The following USP36 variants were observed in gnomAD, a reference collection of about 807,000 sequenced individuals.
The protein encoded by USP36 is ubiquitin specific peptidase 36, also known as ubiquitin carboxyl-terminal hydrolase 36.
Under a neutral mutation model 111.5 loss-of-function variants are expected in USP36, and 59 were observed. That is an observed-to-expected ratio of 0.53 (90% confidence interval 0.43 to 0.66). The LOEUF (loss-of-function observed/expected upper bound fraction) is 0.66, where lower values mean the gene tolerates loss of function less well. USP36 is among the 30% of genes least tolerant of loss of function. The pLI, the probability that USP36 is intolerant of heterozygous loss-of-function variation, is 0.00. For missense variants in USP36, 1,488 were observed against 1,468.0 expected (o/e 1.01, Z -0.22); for synonymous variants, 628 against 581.0 (o/e 1.08, Z -1.16).
chr17:78,827,476 G>A (rs910512177), intron 5 of USP36, 129 bp from the exon 6 acceptor site: 1 of 826,556 alleles, frequency 1.2e-6, no homozygotes, highest in Non-Finnish European at 1.9e-6. Context: ...AGGAACAAGT[G>A]AGGAAAACAA....
downstream of USP36, among the ~76,000 whole-genome samples, chr17:78,791,098 G>A (rs1035775577): frequency 6.7e-6 from 1 of 149,486 alleles, no homozygotes; most frequent in Non-Finnish European, 1.5e-5. Flanking sequence ...AGACCCCTTA[G>A]AACACAGGTC....
intron 4 of USP36, among the ~76,000 whole-genome samples, chr17:78,830,793 T>C (rs73391014): frequency 0.057 from 8,607 of 152,092 alleles, 769 homozygotes; most frequent in African/African-American, 0.19. Context: ...CTCCATGAGA[T>C]TGCCTTTACA....
In USP36 at chr17:78,803,784, G is replaced by C. The variant is rs550911300; in HGVS notation, c.2411C>G (p.Pro804Arg). ...LPHQLPEASE[P>R]PQSPSEKRKK... ...CCTCTTCTCAGAGGGGCTCTGGGGGGGCTCACTGGCCTCTGGCAACTGGTG... is the reference window on the plus strand; with the variant it reads ...CCTCTTCTCAGAGGGGCTCTGGGGGCGCTCACTGGCCTCTGGCAACTGGTG... The change falls in exon 16 of 21, where the codon CCC becomes CGC. Residue 804 changes from proline (P) to arginine (R), a missense_variant. Coordinates refer to ENST00000449938, the MANE Select transcript of USP36 (RefSeq NM_001385174.1). The surrounding 1 kb of genome is among the most constrained non-coding windows in gnomAD (Gnocchi z 4.6). The C allele has an allele frequency of 7.4e-6, 12 of 1,612,842 alleles. No individual in the cohort carries two copies. Among genetic ancestry groups the C allele is most frequent in the East Asian group, 2.2e-5 (1 of 44,880 alleles).
In USP36 at chr17:78,819,828, C is replaced by T. The variant is rs750615979; in HGVS notation, c.911+102G>A. On this transcript the variant is annotated intron_variant, in intron 9 of 20. Transcript: ENST00000449938. ...TAGGTTCCTCAAGAAATGCGAGCAG[C>T]GGTCACCGCTAAGGAAGAGTGGGTG... 4.9e-4 allele frequency: 583 copies of T among 1,190,648 alleles called. 1 individual carries two copies. In the Middle Eastern group the frequency reaches 8.4e-3, roughly 17 times the overall value. The allele number at this position is 1,190,648 out of a possible 1,614,324, so 73.8% of individuals were successfully genotyped here. A position where few individuals can be genotyped will look rare whatever the true frequency, so the allele number is the denominator to read the frequency against.
intron 16 of USP36, among the ~76,000 whole-genome samples, chr17:78,802,852 G>A (rs2145012152): frequency 6.6e-6 from 1 of 152,300 alleles, no homozygotes; most frequent in Admixed American, 6.5e-5. Flanking sequence ...ATCCTTGAAC[G>A]GCCCTGCACA....
Position 78,803,583 on chromosome 17 carries a change from C to A in USP36, c.2612G>T (p.Ser871Ile), listed in dbSNP as rs761988837. ...QEGQTQRQPG[S>I]PMYRREGQAQ... ...CTGGCCCTCCCTCCTGTACATGGGG[C>A]TCCCAGGCTGTCTCTGTGTCTGCCC... is the stretch of plus-strand genomic sequence containing the variant. Residue 871 changes from serine (S) to isoleucine (I), a missense_variant, in exon 16 of 21, where the codon AGC becomes ATC. By Grantham distance (142) the Ser-to-Ile change is moderately radical (BLOSUM62 -2). This residue lies in a region of USP36 where 1,073 missense variants were observed against 994.1 expected (regional missense o/e 1.08). Coordinates refer to ENST00000449938, the MANE Select transcript of USP36 (RefSeq NM_001385174.1). The surrounding 1 kb of genome is among the most constrained non-coding windows in gnomAD (Gnocchi z 4.6). 77 of 1,613,190 alleles carry A rather than the reference C, an allele frequency of 4.8e-5. No homozygotes were observed. In the East Asian group the frequency reaches 1.7e-3, roughly 36 times the overall value.
chr17:78,815,928 A>G (rs368569506), intron 10 of USP36, among the ~76,000 whole-genome samples: 62 of 149,750 alleles, frequency 4.1e-4, no homozygotes, highest in African/African-American at 1.6e-3. Context: ...GCACACATAC[A>G]CACACATATA....
Position 78,803,898 on chromosome 17 carries a change from G to C in USP36, c.2297C>G (p.Pro766Arg), listed in dbSNP as rs747265597. The C allele has an allele frequency of 4.3e-6, 7 of 1,611,404 alleles. No homozygotes were observed. The Admixed American group carries it at 8.3e-5, about 19-fold the overall frequency. ...TGGTTCTGACGTCCCTGGGGGCTTG[G>C]GGGTACTGGACAGCAATGTGGGGTG... The part of the protein sequence containing the change: ...SPHPTLLSST[P>R]KPPGTSEPRS... Residue 766 changes from proline to arginine, a missense_variant, in exon 16 of 21, where the codon CCC becomes CGC. Physicochemically the swap from Pro to Arg is moderately radical, Grantham distance 103 (BLOSUM62 -2). Around this residue, in one of 3 missense-constraint regions of USP36, gnomAD observed 1,073 missense variants for 994.1 expected, o/e 1.08. Transcript: ENST00000449938. The surrounding 1 kb of genome is among the most constrained non-coding windows in gnomAD (Gnocchi z 4.6).
At chr17:78,822,622 C>T (rs891586787) in intron 6 of USP36, among the ~76,000 whole-genome samples, 3 of 152,254 alleles carry the variant, frequency 2.0e-5, no homozygotes, top group African/African-American at 4.8e-5. Context: ...GGATCTGAGG[C>T]ACTCTGAGCT....
At position 78,812,891 on chromosome 17, in the gene USP36, T is replaced by C. The variant is rs746938766; in HGVS notation, c.1376A>G (p.Asn459Ser). 1.5e-5 allele frequency: 24 copies of C among 1,613,512 alleles called. No individual in the cohort carries two copies. The highest frequency in any genetic ancestry group is 1.8e-5 in the Non-Finnish European group (21 of 1,179,992). The stretch of plus-strand genomic sequence containing the variant: ...AGTCAGTGGGGAGGAAATAATCCCA[T>C]TGCCGATGTTCTTCTTGGAGTGATC... ...IPDHSKKNIG[N>S]GIISSPLTGK... Residue 459 changes from asparagine (N) to serine (S), a missense_variant, in exon 13 of 21, where the codon AAT (asparagine) becomes AGT (serine). This residue lies in a region of USP36 where 1,073 missense variants were observed against 994.1 expected (regional missense o/e 1.08). Transcript: ENST00000449938.
Position 78,806,158 on chromosome 17 carries a change from G to A in USP36, c.2214C>T (p.Ala738=). The change falls in exon 15 of 21, where the codon GCC becomes GCT. Residue 738 remains alanine, a splice_region_variant and synonymous_variant. Coordinates refer to ENST00000449938, the MANE Select transcript of USP36 (RefSeq NM_001385174.1). ...VVASTWPVHR[A]RAVSPAPQSS... is the part of the protein sequence containing the mutation. ...GAAGATCCCGGCCCAAAGCTTACCT[G>A]GCTCTATGGACGGGCCAAGTGGAGG... 6.2e-7 allele frequency: 1 copy of A among 1,613,386 alleles called. No homozygotes were observed. The highest frequency in any genetic ancestry group is 8.5e-7 in the Non-Finnish European group (1 of 1,179,898).
intron 13 of USP36, among the ~76,000 whole-genome samples, chr17:78,810,158 A>G (rs896026459): frequency 6.7e-5 from 10 of 150,220 alleles, no homozygotes; most frequent in Non-Finnish European, 1.2e-4. Flanking sequence ...TCACTCTGTC[A>G]CCTTGCCTGG....
intron 4 of USP36, among the ~76,000 whole-genome samples, chr17:78,834,236 G>A (rs1476798186): frequency 4.1e-5 from 6 of 146,904 alleles, no homozygotes; most frequent in African/African-American, 1.3e-4. Context: ...AACAGAGTCC[G>A]TCTCAAAAAA....
At chr17:78,805,209 A>T (rs1364658592) in intron 15 of USP36, among the ~76,000 whole-genome samples, 7 of 152,204 alleles carry the variant, frequency 4.6e-5, no homozygotes, top group Admixed American at 2.6e-4. Flanking sequence ...TCATCTAAAC[A>T]AACTATAAGG....
At chr17:78,794,148 T>TA (rs1228347665), downstream of USP36, among the ~76,000 whole-genome samples, 1 of 152,230 alleles carries the variant, frequency 6.6e-6, no homozygotes, top group Non-Finnish European at 1.5e-5. Flanking sequence ...CCTATGCTAC[T>TA]AATGCCAATC....
intron 10 of USP36, among the ~76,000 whole-genome samples, chr17:78,818,121 T>C (rs554926172): frequency 2.0e-5 from 3 of 152,152 alleles, no homozygotes; most frequent in South Asian, 4.2e-4. Context: ...AATACCATCG[T>C]GTCAAAAGTA....
chr17:78,836,486 T>C lies in USP36; in HGVS notation c.-9-114A>G, dbSNP rs2068682829. 5 of 1,360,982 alleles carry C rather than the reference T, an allele frequency of 3.7e-6. No homozygotes were observed. In the East Asian group the frequency reaches 1.2e-4, roughly 33 times the overall value. 84.3% of individuals were successfully genotyped at this position (1,360,982 alleles called of 1,614,324 possible). A position where few individuals can be genotyped will look rare whatever the true frequency, so the allele number is the denominator to read the frequency against. ...ATGCTAGCCACCACAAAAGCTCCCC[T>C]GGATCAGTGATCCCCTGGATCAGCT... On this transcript the variant is annotated intron_variant, in intron 2 of 20. Transcript: ENST00000449938.
At chr17:78,815,485 G>C (rs1351259761) in intron 10 of USP36, among the ~76,000 whole-genome samples, 1 of 152,080 alleles carries the variant, frequency 6.6e-6, no homozygotes, top group African/African-American at 2.4e-5. Flanking sequence ...CTCACCACCT[G>C]GTTCCTAACG....
intron 6 of USP36, 130 bp from the exon 7 acceptor site, chr17:78,822,134 G>C: frequency 1.0e-6 from 1 of 1,003,256 alleles, no homozygotes; most frequent in Non-Finnish European, 1.5e-6. Flanking sequence ...CCCCCCACCC[G>C]AGTCACCACA....
Sources: gnomAD v4.1 joint callset for allele counts (sites outside exome capture counted in the v4.1 genomes callset) on GRCh38, gnomAD v4.1.1 for gene constraint, gnomAD v4.1.1 regional missense constraint, Gnocchi (gnomAD v3.1) non-coding constraint, MANE v1.5 for transcripts, NCBI Gene and HGNC (gene_info 2026-07-23, HGNC 2026-07-21) for gene names.